Variants in SLIT2 observed in about 807,000 individuals in gnomAD.
SLIT2 encodes the protein slit homolog 2 protein.
SLIT2 carries 41 observed loss-of-function variants against 185.7 expected under a neutral mutation model. The ratio of observed to expected loss-of-function variants is 0.22; its 90% CI spans 0.17 to 0.29. The LOEUF (loss-of-function observed/expected upper bound fraction) is 0.29. Ranked by LOEUF, SLIT2 falls within the 10% of genes least tolerant of loss-of-function variation. SLIT2 has a pLI of 1.00. For synonymous variants in SLIT2, 693 were observed against 680.2 expected (o/e 1.02, Z -0.29); for missense variants, 1,571 against 1,909.0 (o/e 0.82, Z 3.30).
Position 20,277,446 on chromosome 4 carries a change from TG to T in SLIT2, c.395+8567del, listed in dbSNP as rs553874704. Among the ~76,000 whole-genome samples, 280 of 152,052 alleles carry T rather than the reference TG, an allele frequency of 1.8e-3. 1 individual carries two copies. In the Middle Eastern group the frequency reaches 0.024, roughly 13 times the overall value. ...CTAATATATTAAAATACATTTTGAT[TG>T]GACACTACTTTTGTGTAAACAGTAT... On this transcript the variant is annotated intron_variant, in intron 4 of 36. Coordinates refer to ENST00000504154, the MANE Select transcript of SLIT2 (RefSeq NM_004787.4).
At chr4:20,478,106 A>G (rs909175252) in intron 5 of SLIT2, among the ~76,000 whole-genome samples, 4 of 152,166 alleles carry the variant, frequency 2.6e-5, no homozygotes, top group Admixed American at 2.6e-4. Flanking sequence ...CTGTTGGGAG[A>G]GATTTTCTCA....
intron 4 of SLIT2, among the ~76,000 whole-genome samples, chr4:20,370,644 C>T (rs1046983004): frequency 6.6e-6 from 1 of 152,040 alleles, no homozygotes; most frequent in African/African-American, 2.4e-5. Flanking sequence ...TATCTTTCTC[C>T]TCAAATCATT....
intron 26 of SLIT2, among the ~76,000 whole-genome samples, chr4:20,557,381 C>A (rs149295563): frequency 6.6e-6 from 1 of 151,908 alleles, no homozygotes; most frequent in Non-Finnish European, 1.5e-5. Context: ...TTTACCATTC[C>A]GAAAATCCTA....
intron 29 of SLIT2, among the ~76,000 whole-genome samples, chr4:20,581,591 A>G (rs1726574841): frequency 6.6e-6 from 1 of 152,124 alleles, no homozygotes; most frequent in South Asian, 2.1e-4. Flanking sequence ...TCAGTCCATC[A>G]CAAAGTCCCA....
At chr4:20,360,283 A>T (rs1722637734) in intron 4 of SLIT2, among the ~76,000 whole-genome samples, 1 of 152,166 alleles carries the variant, frequency 6.6e-6, no homozygotes, top group Admixed American at 6.5e-5. Context: ...AGGAATGCTT[A>T]TACGTTAGTG....
intron 4 of SLIT2, among the ~76,000 whole-genome samples, chr4:20,368,211 CA>C (rs1324020781): frequency 4.1e-5 from 1 of 24,554 alleles, no homozygotes; most frequent in Non-Finnish European, 8.4e-5. Context: ...AATAGTGTCA[CA>C]AAATAGCAAA....
intron 3 of SLIT2, among the ~76,000 whole-genome samples, chr4:20,262,484 C>A (rs562193417): frequency 6.5e-4 from 99 of 151,936 alleles, no homozygotes; most frequent in African/African-American, 2.3e-3. Context: ...AGTTTATAGG[C>A]AACACATAAC....
chr4:20,298,181 C>T (rs139337545), intron 4 of SLIT2, among the ~76,000 whole-genome samples: 1,862 of 151,836 alleles, frequency 0.012, 42 homozygotes, highest in African/African-American at 0.042. Flanking sequence ...CTCCACCTCC[C>T]GGATTCAAGC....
intron 9 of SLIT2, among the ~76,000 whole-genome samples, chr4:20,506,630 G>A (rs1201416974): frequency 6.6e-6 from 1 of 151,838 alleles, no homozygotes; most frequent in African/African-American, 2.4e-5. Flanking sequence ...TGTGTGTTGG[G>A]TTTAGTTTAT....
At chr4:20,578,474 CCTT>C (rs1255104666) in intron 29 of SLIT2, among the ~76,000 whole-genome samples, 4 of 152,104 alleles carry the variant, frequency 2.6e-5, no homozygotes, top group Non-Finnish European at 4.4e-5. Context: ...CTAAATTTCT[CCTT>C]CATTATTATC....
chr4:20,296,765 T>C (rs1239337042), intron 4 of SLIT2, among the ~76,000 whole-genome samples: 1 of 152,246 alleles, frequency 6.6e-6, no homozygotes, highest in Non-Finnish European at 1.5e-5. Flanking sequence ...TTTTCTTTAA[T>C]GCGTTTAACT....
At chr4:20,405,582 G>T (rs1164755172) in intron 4 of SLIT2, among the ~76,000 whole-genome samples, 1 of 151,888 alleles carries the variant, frequency 6.6e-6, no homozygotes, top group Non-Finnish European at 1.5e-5. Flanking sequence ...ATAAATCCAT[G>T]ATTATCAACA....
At chr4:20,370,920 C>G (rs1366151350) in intron 4 of SLIT2, among the ~76,000 whole-genome samples, 1 of 152,158 alleles carries the variant, frequency 6.6e-6, no homozygotes, top group Non-Finnish European at 1.5e-5. Context: ...CTCAACTCCA[C>G]TTAGTGACCA....
chr4:20,602,352 T>C (rs1728474658), intron 33 of SLIT2, among the ~76,000 whole-genome samples: 1 of 152,204 alleles, frequency 6.6e-6, no homozygotes, highest in Admixed American at 6.5e-5. Context: ...TTAACATAGC[T>C]TGAAGTGTGT....
rs185646107 is a variant in SLIT2, at chr4:20,305,741, C to T, written c.395+36860C>T. On this transcript the variant is annotated intron_variant, in intron 4 of 36. Transcript: ENST00000504154. ...TACAAAAATTAGCCGGGCATGGTGG[C>T]GCTCAACTGTAATCCCAGCTACTTG... is the stretch of plus-strand genomic sequence containing the variant. Among the ~76,000 whole-genome samples the T allele has an allele frequency of 1.2e-4, 18 of 151,730 alleles. No homozygotes were observed. In the East Asian group the frequency reaches 2.9e-3, roughly 25 times the overall value.
At chr4:20,336,509 C>T (rs1720509703) in intron 4 of SLIT2, among the ~76,000 whole-genome samples, 1 of 152,042 alleles carries the variant, frequency 6.6e-6, no homozygotes, top group Non-Finnish European at 1.5e-5. Flanking sequence ...GGATGGGAAA[C>T]ATCACACACT....
At chr4:20,442,523 C>CAAAA (rs3049201) in intron 4 of SLIT2, among the ~76,000 whole-genome samples, 6 of 74,218 alleles carry the variant, frequency 8.1e-5, no homozygotes, top group Non-Finnish European at 1.3e-4. Context: ...GACTCTGTCT[C>CAAAA]AAAAAAAAAA....
chr4:20,473,954 C>T (rs535181426), intron 5 of SLIT2, among the ~76,000 whole-genome samples: 16 of 152,032 alleles, frequency 1.1e-4, no homozygotes, highest in African/African-American at 3.9e-4. Context: ...TATTTCAAAT[C>T]CATTGATATC....
At chr4:20,276,163 T>G (rs1714150807) in intron 4 of SLIT2, among the ~76,000 whole-genome samples, 1 of 152,168 alleles carries the variant, frequency 6.6e-6, no homozygotes, top group African/African-American at 2.4e-5. Context: ...TGCAAATCTT[T>G]TAGCACTTTA....
Sources: gnomAD v4.1 joint callset for allele counts (sites outside exome capture counted in the v4.1 genomes callset) on GRCh38, gnomAD v4.1.1 for gene constraint, MANE v1.5 for transcripts, NCBI Gene and HGNC (gene_info 2026-07-23, HGNC 2026-07-21) for gene names.